The following MCUB variants were observed in gnomAD, a reference collection of about 807,000 sequenced individuals.
The protein encoded by MCUB is mitochondrial calcium uniporter dominant negative subunit beta.
Under a neutral mutation model 41.4 loss-of-function variants are expected in MCUB, and 46 were observed. That is an observed-to-expected ratio of 1.11 (90% CI 0.88 to 1.42). MCUB has a LOEUF of 1.42. MCUB is among the 40% of genes most tolerant of loss of function. The pLI, the probability that MCUB is intolerant of heterozygous loss-of-function variation, is 0.00. For synonymous variants in MCUB, 148 were observed against 148.2 expected (o/e 1.00, Z 0.01); for missense variants, 403 against 404.9 (o/e 1.00, Z 0.04).
At chr4:109,625,029 A>G (rs1277733530) in intron 1 of MCUB, among the ~76,000 whole-genome samples, 1 of 152,132 alleles carries the variant, frequency 6.6e-6, no homozygotes, top group Admixed American at 6.5e-5. Flanking sequence ...AGTCTCAGCT[A>G]CTCAAGAGGC....
At chr4:109,585,329 A>C (rs1298641809) in intron 1 of MCUB, among the ~76,000 whole-genome samples, 3 of 151,870 alleles carry the variant, frequency 2.0e-5, no homozygotes, top group Non-Finnish European at 4.4e-5. Flanking sequence ...CTTTATTTTG[A>C]GCCTGTGTGT....
intron 1 of MCUB, among the ~76,000 whole-genome samples, chr4:109,612,877 C>T (rs570200707): frequency 7.2e-5 from 11 of 152,200 alleles, no homozygotes; most frequent in South Asian, 2.1e-4. Flanking sequence ...GAGGCCAAGG[C>T]GGGCGGATCA....
At chr4:109,598,825 T>C (rs993908870) in intron 1 of MCUB, among the ~76,000 whole-genome samples, 3 of 152,234 alleles carry the variant, frequency 2.0e-5, no homozygotes, top group African/African-American at 4.8e-5. Context: ...AAATGGTTAA[T>C]TTTATTTTCT....
In MCUB at chr4:109,580,968, A is replaced by G. The variant is rs866038596; in HGVS notation, c.99+20532A>G. Among the ~76,000 whole-genome samples, 39 of 152,366 alleles carry G rather than the reference A, an allele frequency of 2.6e-4. No homozygotes were observed. The Middle Eastern group carries it at 0.01, about 40-fold the overall frequency. On this transcript the variant is annotated intron_variant, in intron 1 of 7. Coordinates refer to ENST00000394650, the MANE Select transcript of MCUB (RefSeq NM_017918.5). The stretch of plus-strand genomic sequence containing the variant: ...GGCCATACTGCCCAAGGTAATTTAT[A>G]GATTCAATGCCATCCCCATCAATCT...
At chr4:109,582,714 A>C (rs528430524) in intron 1 of MCUB, among the ~76,000 whole-genome samples, 20 of 152,310 alleles carry the variant, frequency 1.3e-4, no homozygotes, top group African/African-American at 4.3e-4. Flanking sequence ...CTAACATGTA[A>C]GTCTTTAATC....
chr4:109,600,391 A>G (rs141486252), intron 1 of MCUB, among the ~76,000 whole-genome samples: 1 of 152,346 alleles, frequency 6.6e-6, no homozygotes, highest in African/African-American at 2.4e-5. Flanking sequence ...TCCTTCTCTT[A>G]CTAGTCCTTA....
At position 109,560,251 on chromosome 4, in the gene MCUB, T is replaced by G; in HGVS notation, c.-87T>G. 1.6e-6 allele frequency: 1 copy of G among 639,004 alleles called. No individual in the cohort carries two copies. Among genetic ancestry groups the G allele is most frequent in the Non-Finnish European group, 2.2e-6 (1 of 448,990 alleles). 39.6% of individuals were successfully genotyped at this position (639,004 alleles called of 1,614,324 possible). A position where few individuals can be genotyped will look rare whatever the true frequency, so the allele number is the denominator to read the frequency against. On this transcript the variant is annotated 5_prime_UTR_variant, in exon 1 of 8. Transcript: ENST00000394650. The stretch of plus-strand genomic sequence containing the variant: ...CAGGCGGGGCGGGAGCGCCCACAGC[T>G]CGGAGCCACCAGGCGCTGACGAGGA...
chr4:109,639,891 G>A (rs541287565), intron 1 of MCUB, among the ~76,000 whole-genome samples: 3 of 152,280 alleles, frequency 2.0e-5, no homozygotes, highest in South Asian at 2.1e-4. Flanking sequence ...CCAACACAGC[G>A]TTATTAGCCT....
At chr4:109,592,976 C>T (rs561700138) in intron 1 of MCUB, among the ~76,000 whole-genome samples, 7 of 152,318 alleles carry the variant, frequency 4.6e-5, no homozygotes, top group African/African-American at 1.7e-4. Context: ...CCTTTTTACG[C>T]ATTTACTTGG....
intron 1 of MCUB, 87 bp downstream of exon 1, chr4:109,560,523 C>A: frequency 3.2e-6 from 2 of 631,008 alleles, no homozygotes; most frequent in Non-Finnish European, 4.6e-6. Context: ...AAAAGCCGAG[C>A]GGCCGAGCAG....
intron 1 of MCUB, among the ~76,000 whole-genome samples, chr4:109,650,491 G>T (rs1180704277): frequency 6.6e-6 from 1 of 151,866 alleles, no homozygotes. Context: ...TTTTTACCCT[G>T]GCCTACCAGT....
chr4:109,627,367 T>C (rs1579072220), intron 1 of MCUB, among the ~76,000 whole-genome samples: 1 of 152,172 alleles, frequency 6.6e-6, no homozygotes, highest in East Asian at 1.9e-4. Flanking sequence ...GTATGATACA[T>C]GATTTCAGGG....
At chr4:109,659,215 G>A in intron 2 of MCUB, 129 bp downstream of exon 2, 1 of 622,836 alleles carries the variant, frequency 1.6e-6, no homozygotes. Flanking sequence ...ACCCTGATTG[G>A]GTTCACTTCC....
At chr4:109,608,481 G>C (rs1295185230) in intron 1 of MCUB, among the ~76,000 whole-genome samples, 1 of 144,914 alleles carries the variant, frequency 6.9e-6, no homozygotes, top group African/African-American at 2.4e-5. Flanking sequence ...GCGTTGAAAA[G>C]TTAGGTTTTG....
chr4:109,637,104 G>T (rs1213418762), intron 1 of MCUB, among the ~76,000 whole-genome samples: 1 of 152,212 alleles, frequency 6.6e-6, no homozygotes, highest in Non-Finnish European at 1.5e-5. Context: ...ATAGAGAAAG[G>T]GCAGTCAGAA....
intron 1 of MCUB, among the ~76,000 whole-genome samples, chr4:109,592,946 G>T (rs1228947449): frequency 2.0e-5 from 3 of 152,138 alleles, no homozygotes; most frequent in Admixed American, 1.3e-4. Flanking sequence ...ACATGTTTAA[G>T]GTATGTTCTG....
At position 109,600,418 on chromosome 4, in the gene MCUB, C is replaced by G. The variant is rs1487995924; in HGVS notation, c.99+39982C>G. Among the ~76,000 whole-genome samples, 5 of 152,190 alleles carry G rather than the reference C, an allele frequency of 3.3e-5. No homozygotes were observed. In the East Asian group the frequency reaches 7.7e-4, roughly 23 times the overall value. On this transcript the variant is annotated intron_variant, in intron 1 of 7. Transcript: ENST00000394650. ...TAGTCCTTAATGCCTGTAAAAATCC[C>G]ATTTCTCATTCAGATGCCATGAGTA...
chr4:109,650,363 C>G (rs1418325448), intron 1 of MCUB, among the ~76,000 whole-genome samples: 1 of 152,102 alleles, frequency 6.6e-6, no homozygotes, highest in Non-Finnish European at 1.5e-5. Context: ...CCCAAGTAAC[C>G]ATAGTTTCCT....
chr4:109,565,892 G>T (rs192659583), intron 1 of MCUB, among the ~76,000 whole-genome samples: 1 of 146,434 alleles, frequency 6.8e-6, no homozygotes, highest in Non-Finnish European at 1.5e-5. Context: ...AGGCTGAAGT[G>T]CAATGCTGTA....
Sources: gnomAD v4.1 joint callset for allele counts (sites outside exome capture counted in the v4.1 genomes callset) on GRCh38, gnomAD v4.1.1 for gene constraint, MANE v1.5 for transcripts, NCBI Gene and HGNC (gene_info 2026-07-23, HGNC 2026-07-21) for gene names.